EPHB1: variants seen among roughly 807,000 people sequenced by gnomAD.
The protein encoded by EPHB1 is ephrin type-B receptor 1.
EPHB1 carries 30 observed loss-of-function variants against 94.4 expected under a neutral mutation model. That is an observed-to-expected ratio of 0.32 (90% CI 0.24 to 0.43). The LOEUF (loss-of-function observed/expected upper bound fraction) is 0.43. Ranked by LOEUF, EPHB1 falls within the 20% of genes least tolerant of loss-of-function variation. The pLI, the probability that EPHB1 is intolerant of heterozygous loss-of-function variation, is 1.00. For missense variants in EPHB1, 1,055 were observed against 1,308.3 expected (o/e 0.81, Z 2.99); for synonymous variants, 522 against 489.1 (o/e 1.07, Z -0.89).
At chr3:134,883,102 G>T (rs144668190) in intron 1 of EPHB1, among the ~76,000 whole-genome samples, 1 of 152,116 alleles carries the variant, frequency 6.6e-6, no homozygotes, top group Non-Finnish European at 1.5e-5. Context: ...GATTACAGGC[G>T]TGAGCCACCA....
In EPHB1 at chr3:135,179,953, T is replaced by A. The variant is rs1323200067; in HGVS notation, c.1853T>A (p.Phe618Tyr). ...TTTGCCAAGGAGATTGATGTATCTT[T>A]TGTGAAAATTGAAGAGGTCATCGGA... Reference protein sequence around the residue: ...REFAKEIDVSFVKIEEVIGAG... With the variant: ...REFAKEIDVSYVKIEEVIGAG... The change falls in exon 10 of 16, where the codon TTT (phenylalanine) becomes TAT (tyrosine). Residue 618 changes from phenylalanine to tyrosine, a missense_variant. Transcript: ENST00000398015. The A allele has an allele frequency of 6.2e-7, 1 of 1,613,950 alleles. No individual in the cohort carries two copies. The highest frequency in any genetic ancestry group is 1.6e-4 in the Middle Eastern group (1 of 6,062).
chr3:135,239,831 C>T (rs1943738127), intron 12 of EPHB1, among the ~76,000 whole-genome samples: 1 of 152,220 alleles, frequency 6.6e-6, no homozygotes, highest in Admixed American at 6.5e-5. Flanking sequence ...TCTGCCTGGA[C>T]TTCCCTCCTC....
intron 1 of EPHB1, among the ~76,000 whole-genome samples, chr3:134,819,071 G>A (rs759432794): frequency 2.0e-4 from 30 of 152,180 alleles, no homozygotes; most frequent in South Asian, 4.1e-4. Flanking sequence ...GAAGGGGGCC[G>A]TTTAGGCAGG....
chr3:135,113,309 A>G (rs957847375), intron 4 of EPHB1, among the ~76,000 whole-genome samples: 2 of 152,230 alleles, frequency 1.3e-5, no homozygotes, highest in African/African-American at 4.8e-5. Context: ...CACTTCTGTA[A>G]TCTACAATTT....
At chr3:135,212,340 A>G (rs1284891189) in intron 12 of EPHB1, among the ~76,000 whole-genome samples, 1 of 152,138 alleles carries the variant, frequency 6.6e-6, no homozygotes, top group East Asian at 1.9e-4. Flanking sequence ...AAAATGGGAG[A>G]CATTTCTCTG....
At chr3:135,004,191 A>G (rs1367471827) in intron 3 of EPHB1, among the ~76,000 whole-genome samples, 1 of 151,046 alleles carries the variant, frequency 6.6e-6, no homozygotes, top group Non-Finnish European at 1.5e-5. Context: ...TTGTCTGTAA[A>G]GTATTTTATT....
chr3:135,089,556 A>G (rs1938484497), intron 3 of EPHB1, among the ~76,000 whole-genome samples: 1 of 152,230 alleles, frequency 6.6e-6, no homozygotes, highest in Non-Finnish European at 1.5e-5. Flanking sequence ...TGCCGAGGGT[A>G]GGAGGGCCTG....
intron 3 of EPHB1, among the ~76,000 whole-genome samples, chr3:134,985,596 A>C (rs899044242): frequency 2.6e-5 from 4 of 152,224 alleles, no homozygotes; most frequent in African/African-American, 9.6e-5. Context: ...ACCACTGGCT[A>C]CTTGTGCCTC....
chr3:135,077,790 C>A (rs549332845), intron 3 of EPHB1, among the ~76,000 whole-genome samples: 2 of 152,212 alleles, frequency 1.3e-5, no homozygotes, highest in African/African-American at 4.8e-5. Flanking sequence ...TCAGGAGCTG[C>A]AGAGGCATTT....
chr3:134,924,916 G>A (rs2107701695), intron 1 of EPHB1, among the ~76,000 whole-genome samples: 1 of 152,344 alleles, frequency 6.6e-6, no homozygotes, highest in Admixed American at 6.5e-5. Context: ...TGGTGGGTTA[G>A]GAGCAGGAGG....
chr3:134,997,096 T>G (rs1339182486), intron 3 of EPHB1, among the ~76,000 whole-genome samples: 1 of 152,208 alleles, frequency 6.6e-6, no homozygotes, highest in Admixed American at 6.5e-5. Context: ...CAGGGATTCA[T>G]TTAGGGATTG....
chr3:134,815,475 A>G (rs1249377446), intron 1 of EPHB1, among the ~76,000 whole-genome samples: 2 of 152,162 alleles, frequency 1.3e-5, no homozygotes, highest in South Asian at 2.1e-4. Context: ...GAGGAAAGAG[A>G]AGATGAAAAA....
chr3:135,030,073 A>C (rs374404686), intron 3 of EPHB1, among the ~76,000 whole-genome samples: 28 of 151,248 alleles, frequency 1.9e-4, no homozygotes, highest in East Asian at 1.9e-4. Context: ...TTTCAGCTCC[A>C]TCAGCTCCTT....
chr3:135,179,981 A>G lies in EPHB1; in HGVS notation c.1881A>G (p.Ala627=). The G allele has an allele frequency of 6.2e-7, 1 of 1,613,764 alleles. No homozygotes were observed. The highest frequency in any genetic ancestry group is 8.5e-7 in the Non-Finnish European group (1 of 1,179,704). ...SFVKIEEVIG[A]GEFGEVYKGR... ...TGAAAATTGAAGAGGTCATCGGAGC[A>G]GGTATGGCTCTTCCCTGTCTTGTTT... Residue 627 remains alanine (A), a splice_region_variant and synonymous_variant, in exon 10 of 16, where the codon GCA becomes GCG. Coordinates refer to ENST00000398015, the MANE Select transcript of EPHB1 (RefSeq NM_004441.5).
Position 135,259,970 on chromosome 3 carries a change from G to T in EPHB1, c.*850G>T. The T allele has an allele frequency of 4.3e-6, 1 of 232,044 alleles. No individual in the cohort carries two copies. Among genetic ancestry groups the T allele is most frequent in the Non-Finnish European group, 8.5e-6 (1 of 117,010 alleles). 14.4% of individuals were successfully genotyped at this position (232,044 alleles called of 1,614,324 possible). A position where few individuals can be genotyped will look rare whatever the true frequency, so the allele number is the denominator to read the frequency against. ...TCCAAAGGGGCTGGAATATGGTGTT[G>T]GTTTGGCTTTCTGGTTGGCCCAATC... On this transcript the variant is annotated 3_prime_UTR_variant, in exon 16 of 16. Coordinates refer to ENST00000398015, the MANE Select transcript of EPHB1 (RefSeq NM_004441.5).
Position 135,132,998 on chromosome 3 carries a change from A to G in EPHB1, c.1246A>G (p.Ser416Gly), listed in dbSNP as rs1369618473. 1.9e-6 allele frequency: 3 copies of G among 1,609,904 alleles called. No individual in the cohort carries two copies. Among genetic ancestry groups the G allele is most frequent in the Non-Finnish European group, 2.5e-6 (3 of 1,176,656 alleles). The change falls in exon 5 of 16, where the codon AGT becomes GGT. Residue 416 changes from serine (S) to glycine (G), a missense_variant. Ser to Gly is a moderately conservative substitution (Grantham distance 56, BLOSUM62 0). Transcript: ENST00000398015. ...IQAINGVSSK[S>G]PFPPQHVSVN... The stretch of plus-strand genomic sequence containing the variant: ...GGCCATCAATGGAGTCTCCAGCAAG[A>G]GTCCCTTCCCCCCACAGCACGTCTC...
At chr3:135,159,160 C>T (rs1005816744) in intron 6 of EPHB1, among the ~76,000 whole-genome samples, 19 of 152,174 alleles carry the variant, frequency 1.2e-4, no homozygotes, top group African/African-American at 3.9e-4. Context: ...CTGTCTCCCA[C>T]ATACTTATAA....
chr3:135,080,383 T>C (rs911835856), intron 3 of EPHB1, among the ~76,000 whole-genome samples: 3 of 152,190 alleles, frequency 2.0e-5, no homozygotes, highest in South Asian at 2.1e-4. Context: ...AAAACTCTTA[T>C]GGTTAAGGAC....
chr3:135,062,126 A>G (rs144484297), intron 3 of EPHB1, among the ~76,000 whole-genome samples: 1 of 152,296 alleles, frequency 6.6e-6, no homozygotes, highest in East Asian at 1.9e-4. Context: ...TATCTTTGCA[A>G]TTGTGAATTG....
Sources: gnomAD v4.1 joint callset for allele counts (sites outside exome capture counted in the v4.1 genomes callset) on GRCh38, gnomAD v4.1.1 for gene constraint, MANE v1.5 for transcripts, NCBI Gene and HGNC (gene_info 2026-07-23, HGNC 2026-07-21) for gene names.